The following CCDC179 variants were observed in gnomAD, a reference collection of about 807,000 sequenced individuals.
CCDC179 encodes coiled-coil domain-containing protein 179.
CCDC179 carries 17 observed loss-of-function variants against 12.0 expected under a neutral mutation model. The ratio of observed to expected loss-of-function variants is 1.42; its 90% CI spans 0.97 to 2.13. The LOEUF is 2.13. CCDC179 is among the 30% of genes most tolerant of loss of function. CCDC179 has a pLI of 0.00. For synonymous variants in CCDC179, 27 were observed against 26.4 expected, an observed-to-expected ratio of 1.02 and a Z score of -0.07; for missense variants, 83 against 78.6, an observed-to-expected ratio of 1.06 and a Z score of -0.21.
intron 3 of CCDC179, among the ~76,000 whole-genome samples, chr11:22,852,606 G>A (rs1044658150): frequency 6.6e-6 from 1 of 152,116 alleles, no homozygotes; most frequent in Non-Finnish European, 1.5e-5. Flanking sequence ...ACCCAGAAGT[G>A]GACTCACCTC....
chr11:22,854,287 G>T (rs2134840819), intron 3 of CCDC179, among the ~76,000 whole-genome samples: 1 of 151,718 alleles, frequency 6.6e-6, no homozygotes, highest in African/African-American at 2.4e-5. Flanking sequence ...AAAAAAGAAG[G>T]TAAAATAAAA....
intron 3 of CCDC179, among the ~76,000 whole-genome samples, chr11:22,853,652 GA>G (rs34725757): frequency 0.38 from 55,831 of 146,918 alleles, 11,029 homozygotes; most frequent in East Asian, 0.65. Flanking sequence ...TGTACAATTG[GA>G]AAAAAAAAGA....
chr11:22,851,647 G>A (rs1035631698), intron 3 of CCDC179, among the ~76,000 whole-genome samples: 1 of 152,218 alleles, frequency 6.6e-6, no homozygotes, highest in Non-Finnish European at 1.5e-5. Flanking sequence ...TCAGAGAAGT[G>A]AGGGCACAGG....
At chr11:22,858,884 C>A (rs1395260424) in intron 2 of CCDC179, among the ~76,000 whole-genome samples, 1 of 151,908 alleles carries the variant, frequency 6.6e-6, no homozygotes, top group Non-Finnish European at 1.5e-5. Flanking sequence ...TATTGAACAG[C>A]AGTGAAAATA....
At chr11:22,858,150 A>G (rs1858571358) in intron 2 of CCDC179, 124 bp from the exon 3 acceptor site, 2 of 554,510 alleles carry the variant, frequency 3.6e-6, no homozygotes, top group Non-Finnish European at 6.2e-6. Context: ...AACGGTTCAC[A>G]TAACTACATA....
intron 3 of CCDC179, among the ~76,000 whole-genome samples, chr11:22,853,074 A>C (rs777618883): frequency 6.6e-6 from 1 of 152,218 alleles, no homozygotes; most frequent in African/African-American, 2.4e-5. Context: ...AAACTGAATC[A>C]GGGGAAATTT....
intron 3 of CCDC179, among the ~76,000 whole-genome samples, chr11:22,857,609 T>C (rs777320709): frequency 1.8e-4 from 28 of 151,688 alleles, no homozygotes; most frequent in Non-Finnish European, 3.8e-4. Context: ...TGGCAATAAA[T>C]TTTCAGATAT....
chr11:22,859,371 G>A (rs1442052409), intron 2 of CCDC179, 81 bp downstream of exon 2: 1 of 890,374 alleles, frequency 1.1e-6, no homozygotes, highest in Non-Finnish European at 1.6e-6. Context: ...GTTCTATTAT[G>A]TTAGGGACCA....
chr11:22,853,422 T>C (rs2134838200), intron 3 of CCDC179, among the ~76,000 whole-genome samples: 1 of 152,196 alleles, frequency 6.6e-6, no homozygotes, highest in Non-Finnish European at 1.5e-5. Flanking sequence ...ATGGAAAATC[T>C]AAGAAGAAAT....
chr11:22,847,460 C>T lies in CCDC179; in HGVS notation c.*50G>A. 1 of 1,246,458 alleles carries T rather than the reference C, an allele frequency of 8.0e-7. No homozygotes were observed. The highest frequency in any genetic ancestry group is 1.1e-6 in the Non-Finnish European group (1 of 920,854). 77.2% of individuals were successfully genotyped at this position (1,246,458 alleles called of 1,614,324 possible). A position where few individuals can be genotyped will look rare whatever the true frequency, so the allele number is the denominator to read the frequency against. Reference sequence around the variant, plus strand: ...GATATGTCACTTGATGTTCACAATCCACATATTTCTGTCTGGAGCATGGTT... The same window carrying T: ...GATATGTCACTTGATGTTCACAATCTACATATTTCTGTCTGGAGCATGGTT... On this transcript the variant is annotated 3_prime_UTR_variant, in exon 4 of 4. Coordinates refer to ENST00000532798, the MANE Select transcript of CCDC179 (RefSeq NM_001195637.2).
At chr11:22,853,587 A>C (rs986430028) in intron 3 of CCDC179, among the ~76,000 whole-genome samples, 1 of 152,124 alleles carries the variant, frequency 6.6e-6, no homozygotes, top group South Asian at 2.1e-4. Context: ...AAAAAGTATA[A>C]AAATATAGAA....
chr11:22,853,758 C>A (rs1482883122), intron 3 of CCDC179, among the ~76,000 whole-genome samples: 1 of 151,406 alleles, frequency 6.6e-6, no homozygotes, highest in Non-Finnish European at 1.5e-5. Context: ...GGAGGAGAAA[C>A]AGAATAAATA....
At chr11:22,856,989 G>A (rs1222072844) in intron 3 of CCDC179, among the ~76,000 whole-genome samples, 1 of 151,568 alleles carries the variant, frequency 6.6e-6, no homozygotes, top group Non-Finnish European at 1.5e-5. Flanking sequence ...AAATCTGGAT[G>A]AGGAAAATTA....
At chr11:22,857,148 T>C (rs572054400) in intron 3 of CCDC179, among the ~76,000 whole-genome samples, 19 of 151,760 alleles carry the variant, frequency 1.3e-4, no homozygotes, top group African/African-American at 4.6e-4. Flanking sequence ...GCAAGTTACT[T>C]TGTAGATTTC....
At chr11:22,858,764 G>A (rs944329110) in intron 2 of CCDC179, among the ~76,000 whole-genome samples, 2 of 152,014 alleles carry the variant, frequency 1.3e-5, no homozygotes, top group Non-Finnish European at 2.9e-5. Context: ...AAGAAGATGT[G>A]TACTAGAATG....
At chr11:22,852,682 G>A (rs973817232) in intron 3 of CCDC179, among the ~76,000 whole-genome samples, 1 of 152,062 alleles carries the variant, frequency 6.6e-6, no homozygotes, top group Non-Finnish European at 1.5e-5. Context: ...ATTCCCATAG[G>A]CCCCTGCCCA....
intron 3 of CCDC179, among the ~76,000 whole-genome samples, chr11:22,853,438 T>C (rs1204606084): frequency 6.6e-6 from 1 of 151,968 alleles, no homozygotes; most frequent in African/African-American, 2.4e-5. Context: ...GAAATCAAAC[T>C]AACACTAAAA....
chr11:22,852,656 A>C (rs145219956), intron 3 of CCDC179, among the ~76,000 whole-genome samples: 1 of 152,170 alleles, frequency 6.6e-6, no homozygotes, highest in African/African-American at 2.4e-5. Flanking sequence ...TTTCATTCCC[A>C]ACCAACCAGC....
chr11:22,850,955 TATATATATATATA>T (rs1858367204), intron 3 of CCDC179, among the ~76,000 whole-genome samples: 2 of 9,254 alleles, frequency 2.2e-4, no homozygotes, highest in Non-Finnish European at 4.6e-4. Flanking sequence ...TATATATATA[TATATATATATATA>T]TATATATATT....
Sources: gnomAD v4.1 joint callset for allele counts (sites outside exome capture counted in the v4.1 genomes callset) on GRCh38, gnomAD v4.1.1 for gene constraint, MANE v1.5 for transcripts, NCBI Gene and HGNC (gene_info 2026-07-23, HGNC 2026-07-21) for gene names.